PVT1: variants seen among roughly 807,000 people sequenced by gnomAD.
PVT1 encodes the protein Pvt1 oncogene.
intron 5 of PVT1, among the ~76,000 whole-genome samples, chr8:128,094,010 T>A (rs776976270): frequency 3.9e-5 from 6 of 152,192 alleles, no homozygotes; most frequent in Non-Finnish European, 8.8e-5. Context: ...TACTTGAGGC[T>A]GTCAAAATGG....
At chr8:127,911,411 C>T (rs964686792) in intron 3 of PVT1, among the ~76,000 whole-genome samples, 40 of 152,228 alleles carry the variant, frequency 2.6e-4, no homozygotes, top group African/African-American at 9.6e-4. Context: ...CGCCGGTCCC[C>T]GGCTGCCAGC....
intron 3 of PVT1, chr8:127,932,644 G>A (rs7824815): frequency 0.017 from 6,572 of 397,950 alleles, 362 homozygotes; most frequent in African/African-American, 0.12. Context: ...ACCAAGCTAC[G>A]TACAGCTTCA....
At chr8:127,868,279 A>G (rs893606059) in intron 2 of PVT1, among the ~76,000 whole-genome samples, 16 of 152,286 alleles carry the variant, frequency 1.1e-4, no homozygotes, top group African/African-American at 3.9e-4. Flanking sequence ...AAAGAAGGGA[A>G]TTTAAAACAT....
chr8:128,044,487 C>A (rs1484607532), intron 4 of PVT1, among the ~76,000 whole-genome samples: 1 of 152,066 alleles, frequency 6.6e-6, no homozygotes, highest in Admixed American at 6.5e-5. Context: ...AAGTAACTTA[C>A]TCAAAATCAC....
intron 4 of PVT1, among the ~76,000 whole-genome samples, chr8:128,005,032 C>T (rs1252267161): frequency 4.6e-5 from 7 of 151,832 alleles, no homozygotes; most frequent in Admixed American, 1.3e-4. Flanking sequence ...CCCAGCTACT[C>T]GGGAGGCTGA....
chr8:127,945,312 CT>C (rs1451558789), intron 3 of PVT1, among the ~76,000 whole-genome samples: 2 of 152,180 alleles, frequency 1.3e-5, no homozygotes, highest in Non-Finnish European at 2.9e-5. Context: ...GGCGACTTCA[CT>C]GCCGTGGAGG....
intron 3 of PVT1, among the ~76,000 whole-genome samples, chr8:127,920,311 G>A (rs1289118146): frequency 2.6e-5 from 4 of 152,186 alleles, no homozygotes; most frequent in Admixed American, 2.0e-4. Flanking sequence ...TTACTCATTC[G>A]CTTTGTAAAA....
chr8:127,802,435 T>C (rs1220507566), intron 2 of PVT1, among the ~76,000 whole-genome samples: 1 of 152,196 alleles, frequency 6.6e-6, no homozygotes, highest in Non-Finnish European at 1.5e-5. Context: ...AGGCTGGTCT[T>C]GAGCTCCTGG....
chr8:127,870,959 GCCT>G (rs757696620), intron 2 of PVT1, among the ~76,000 whole-genome samples: 2 of 151,830 alleles, frequency 1.3e-5, no homozygotes, highest in African/African-American at 2.4e-5. Context: ...TCTCCTTTCT[GCCT>G]CCTCCTCCTC....
intron 2 of PVT1, among the ~76,000 whole-genome samples, chr8:127,832,380 C>G (rs1383188983): frequency 2.0e-5 from 3 of 152,124 alleles, no homozygotes; most frequent in Non-Finnish European, 4.4e-5. Flanking sequence ...AGAATTCTAC[C>G]CAGCATTCCA....
intron 2 of PVT1, among the ~76,000 whole-genome samples, chr8:127,869,031 G>A (rs1342958568): frequency 6.6e-6 from 1 of 151,462 alleles, no homozygotes; most frequent in African/African-American, 2.4e-5. Context: ...GTCTGGTTCA[G>A]GGTGGACTCA....
At chr8:127,817,534 T>TCTATTTAA (rs1814679159) in intron 2 of PVT1, among the ~76,000 whole-genome samples, 2 of 89,580 alleles carry the variant, frequency 2.2e-5, no homozygotes, top group Non-Finnish European at 4.5e-5. Context: ...TTTAAATATA[T>TCTATTTAA]ATATATATAT....
chr8:128,041,969 G>C (rs1221264765), intron 4 of PVT1, among the ~76,000 whole-genome samples: 1 of 152,208 alleles, frequency 6.6e-6, no homozygotes, highest in African/African-American at 2.4e-5. Context: ...TCCTTCTCCT[G>C]TGTCAGAAAT....
chr8:127,955,578 CCCCTCCCCTG>C, intron 3 of PVT1, among the ~76,000 whole-genome samples: 1 of 151,754 alleles, frequency 6.6e-6, no homozygotes, highest in African/African-American at 2.4e-5. Context: ...GTAATCCCCT[CCCCTCCCCTG>C]CCCTCCCCTC....
chr8:127,894,152 C>T (rs559611855), intron 3 of PVT1, among the ~76,000 whole-genome samples: 22 of 152,184 alleles, frequency 1.4e-4, no homozygotes, highest in Admixed American at 8.5e-4. Flanking sequence ...TCTAGTCGTA[C>T]GGGCTGCCCT....
intron 3 of PVT1, among the ~76,000 whole-genome samples, chr8:127,968,366 A>T (rs1816725595): frequency 6.9e-6 from 1 of 144,536 alleles, no homozygotes. Flanking sequence ...GTGCTGGCTC[A>T]GCTGTAGGGT....
At chr8:127,838,290 G>A (rs576276278) in intron 2 of PVT1, among the ~76,000 whole-genome samples, 28 of 152,262 alleles carry the variant, frequency 1.8e-4, no homozygotes, top group African/African-American at 6.7e-4. Flanking sequence ...CCTTCCTAAA[G>A]TACTTGTCTT....
intron 4 of PVT1, among the ~76,000 whole-genome samples, chr8:128,001,348 A>G (rs982571398): frequency 6.6e-6 from 1 of 151,848 alleles, no homozygotes; most frequent in African/African-American, 2.4e-5. Context: ...GTGTGTGACC[A>G]TGCAGGGTGG....
At chr8:128,098,879 G>A (rs945076618) in intron 6 of PVT1, among the ~76,000 whole-genome samples, 5 of 152,284 alleles carry the variant, frequency 3.3e-5, no homozygotes, top group South Asian at 4.2e-4. Context: ...CTCCTTCTCT[G>A]TTACCAGCAA....
Sources: allele counts gnomAD v4.1 joint callset (sites outside exome capture counted in the v4.1 genomes callset), GRCh38; gene constraint gnomAD v4.1.1; transcripts MANE v1.5; gene names NCBI Gene and HGNC (gene_info 2026-07-23, HGNC 2026-07-21).